Variants in PTPRT observed in about 807,000 individuals in gnomAD.
PTPRT encodes receptor-type tyrosine-protein phosphatase T.
A neutral mutation model predicts 176.8 loss-of-function variants in PTPRT; 56 were observed. The observed-to-expected ratio is 0.32, with a 90% CI of 0.26 to 0.40. PTPRT has a LOEUF of 0.40. Among genes scored for constraint, PTPRT ranks in the 10% least tolerant of loss-of-function variants. The pLI, the probability that PTPRT is intolerant of heterozygous loss-of-function variation, is 1.00. For missense variants in PTPRT, 1,540 were observed against 1,908.2 expected, an observed-to-expected ratio of 0.81 and a Z score of 3.60; for synonymous variants, 783 against 739.0, an observed-to-expected ratio of 1.06 and a Z score of -0.96.
chr20:42,150,541 A>G (rs769022377), intron 17 of PTPRT, among the ~76,000 whole-genome samples: 17 of 152,210 alleles, frequency 1.1e-4, no homozygotes, highest in Non-Finnish European at 1.5e-4. Flanking sequence ...GTCTTCAGCA[A>G]GGAGGCACCA....
chr20:42,674,832 A>G (rs1468295222), intron 7 of PTPRT, among the ~76,000 whole-genome samples: 1 of 152,042 alleles, frequency 6.6e-6, no homozygotes, highest in Non-Finnish European at 1.5e-5. Flanking sequence ...TACTACCACG[A>G]TACACCACTG....
intron 7 of PTPRT, among the ~76,000 whole-genome samples, chr20:42,526,853 T>C (rs2072277461): frequency 6.6e-6 from 1 of 152,056 alleles, no homozygotes; most frequent in Non-Finnish European, 1.5e-5. Flanking sequence ...GTACATAGCA[T>C]TGGTTGTGTA....
rs187058076 is a variant in PTPRT at position 42,435,935 on chromosome 20, A to G, written c.1560+12285T>C. On this transcript the variant is annotated intron_variant, in intron 9 of 30. Transcript: ENST00000373187. ...GTGCATGGAGGCCAGTGGAATAGAG[A>G]GCTCAGAAAAAAATTCATGCATATA... 2.6e-4 allele frequency among the ~76,000 whole-genome samples: 39 copies of G among 152,304 alleles called. No individual in the cohort carries two copies. In the East Asian group the frequency reaches 6.2e-3, roughly 24 times the overall value.
intron 7 of PTPRT, among the ~76,000 whole-genome samples, chr20:42,659,709 T>A (rs1349152305): frequency 6.6e-6 from 1 of 152,208 alleles, no homozygotes; most frequent in African/African-American, 2.4e-5. Flanking sequence ...TAAGGGATAT[T>A]CCTCTGGGCT....
intron 16 of PTPRT, among the ~76,000 whole-genome samples, chr20:42,175,323 T>C (rs1026932601): frequency 6.6e-6 from 1 of 152,160 alleles, no homozygotes; most frequent in African/African-American, 2.4e-5. Flanking sequence ...GCAGCCACAC[T>C]GTCTCCTCAC....
intron 8 of PTPRT, among the ~76,000 whole-genome samples, chr20:42,469,788 C>T (rs1470012573): frequency 2.7e-5 from 4 of 147,832 alleles, no homozygotes; most frequent in South Asian, 4.3e-4. Flanking sequence ...AGGGATGGAT[C>T]ATCAAAGTAG....
intron 18 of PTPRT, among the ~76,000 whole-genome samples, chr20:42,130,725 G>C (rs148007701): frequency 2.0e-5 from 3 of 152,146 alleles, no homozygotes; most frequent in Non-Finnish European, 4.4e-5. Context: ...TACTAAATGC[G>C]ACTTTTCTTA....
At chr20:43,026,466 G>A (rs375194986) in intron 1 of PTPRT, among the ~76,000 whole-genome samples, 7 of 152,114 alleles carry the variant, frequency 4.6e-5, no homozygotes, top group African/African-American at 1.7e-4. Context: ...CGTAGTAGGT[G>A]TATGTATTTC....
chr20:42,044,284 T>A, the PTPRT span, among the ~76,000 whole-genome samples: 1 of 152,212 alleles, frequency 6.6e-6, no homozygotes, highest in Non-Finnish European at 1.5e-5. Flanking sequence ...GTGCTGGTGT[T>A]TGGAGAAGAG....
chr20:43,138,658 C>G, intron 1 of PTPRT, among the ~76,000 whole-genome samples: 1 of 152,184 alleles, frequency 6.6e-6, no homozygotes, highest in African/African-American at 2.4e-5. Flanking sequence ...ACCCCCTCAC[C>G]TGTGACGGGG....
At chr20:42,543,638 G>A (rs770523943) in intron 7 of PTPRT, among the ~76,000 whole-genome samples, 47 of 151,490 alleles carry the variant, frequency 3.1e-4, no homozygotes, top group Non-Finnish European at 5.9e-4. Context: ...CTAGAATGGC[G>A]AATCCTTTCC....
At position 42,079,162 on chromosome 20, in the gene PTPRT, T is replaced by A; in HGVS notation, c.*1717A>T. 1 of 197,626 alleles carries A rather than the reference T, an allele frequency of 5.1e-6. No individual in the cohort carries two copies. The highest frequency in any genetic ancestry group is 7.8e-5 in the East Asian group (1 of 12,818). 12.2% of individuals were successfully genotyped at this position (197,626 alleles called of 1,614,324 possible). A position where few individuals can be genotyped will look rare whatever the true frequency, so the allele number is the denominator to read the frequency against. ...GCCTGAAGGAACAGGGAATTGTTTT[T>A]ACTGACTAAGAAATTAGATGAGACT... is the stretch of plus-strand genomic sequence containing the variant. On this transcript the variant is annotated 3_prime_UTR_variant, in exon 31 of 31. Coordinates refer to ENST00000373187, the MANE Select transcript of PTPRT (RefSeq NM_007050.6).
chr20:42,343,701 C>T (rs992317601), intron 11 of PTPRT, among the ~76,000 whole-genome samples: 13 of 152,180 alleles, frequency 8.5e-5, no homozygotes, highest in African/African-American at 3.1e-4. Flanking sequence ...TTGAAGATCA[C>T]CCCTGGAGAT....
At chr20:42,299,816 T>A (rs574788600) in intron 12 of PTPRT, among the ~76,000 whole-genome samples, 3 of 151,670 alleles carry the variant, frequency 2.0e-5, no homozygotes. Context: ...CCCAGCTAAT[T>A]TTTTGTATTT....
chr20:42,156,142 C>T (rs919607155), intron 17 of PTPRT, among the ~76,000 whole-genome samples: 6 of 152,186 alleles, frequency 3.9e-5, no homozygotes, highest in Admixed American at 6.5e-5. Context: ...CTTCCTACTT[C>T]TCAAGCTTCG....
intron 6 of PTPRT, among the ~76,000 whole-genome samples, chr20:42,691,410 G>A (rs1340475549): frequency 6.6e-6 from 1 of 152,136 alleles, no homozygotes; most frequent in Non-Finnish European, 1.5e-5. Flanking sequence ...TCTTCTCCTT[G>A]GCCTATCCCT....
rs181191401 is a variant in PTPRT at position 43,074,888 on chromosome 20, C to T, written c.88+114758G>A. ...TCCAACATTTTGGAAGAAATATATC[C>T]GCACTCTTGAGATTCTGCCCACAGA... is the stretch of plus-strand genomic sequence containing the variant. On this transcript the variant is annotated intron_variant, in intron 1 of 30. Coordinates refer to ENST00000373187, the MANE Select transcript of PTPRT (RefSeq NM_007050.6). Among the ~76,000 whole-genome samples, 284 of 152,238 alleles carry T rather than the reference C, an allele frequency of 1.9e-3. 1 individual carries two copies. The highest frequency in any genetic ancestry group is 6.6e-3 in the African/African-American group (274 of 41,556).
At chr20:42,578,904 G>C (rs1325200681) in intron 7 of PTPRT, among the ~76,000 whole-genome samples, 1 of 147,116 alleles carries the variant, frequency 6.8e-6, no homozygotes, top group Non-Finnish European at 1.5e-5. Flanking sequence ...TTTTTTTTTG[G>C]GGGGGGGTCG....
chr20:43,045,629 A>ATT (rs3091704), intron 1 of PTPRT, among the ~76,000 whole-genome samples: 37,394 of 132,508 alleles, frequency 0.28, 6,630 homozygotes, highest in African/African-American at 0.5. Flanking sequence ...TAATTTTTCT[A>ATT]TTTTTTTTTT....
Sources: gnomAD v4.1 joint callset for allele counts (sites outside exome capture counted in the v4.1 genomes callset) on GRCh38, gnomAD v4.1.1 for gene constraint, MANE v1.5 for transcripts, NCBI Gene and HGNC (gene_info 2026-07-23, HGNC 2026-07-21) for gene names.